LRRC4C: variants seen among roughly 807,000 people sequenced by gnomAD.
LRRC4C encodes the protein leucine-rich repeat-containing protein 4C.
Under a neutral mutation model 33.6 loss-of-function variants are expected in LRRC4C, and 5 were observed. That is an observed-to-expected ratio of 0.15 (90% confidence interval 0.08 to 0.31). The LOEUF (loss-of-function observed/expected upper bound fraction) is 0.31. Among genes scored for constraint, LRRC4C ranks in the 10% least tolerant of loss-of-function variants. The pLI, the probability that LRRC4C is intolerant of heterozygous loss-of-function variation, is 1.00. For synonymous variants in LRRC4C, 329 were observed against 302.0 expected (o/e 1.09, Z -0.93); for missense variants, 560 against 796.7 (o/e 0.70, Z 3.58).
intron 5 of LRRC4C, among the ~76,000 whole-genome samples, chr11:40,189,755 T>A (rs1345944342): frequency 2.0e-5 from 3 of 152,216 alleles, no homozygotes; most frequent in Non-Finnish European, 4.4e-5. Context: ...GGCAGTTATC[T>A]TTGGAGGAGG....
At chr11:40,759,998 T>C (rs938134391) in intron 2 of LRRC4C, among the ~76,000 whole-genome samples, 6 of 151,288 alleles carry the variant, frequency 4.0e-5, no homozygotes, top group Non-Finnish European at 4.4e-5. Flanking sequence ...GTAATTCGGT[T>C]TTGACCAATC....
At chr11:41,410,711 A>T (rs1436080875) in intron 1 of LRRC4C, among the ~76,000 whole-genome samples, 3 of 152,146 alleles carry the variant, frequency 2.0e-5, no homozygotes, top group African/African-American at 7.2e-5. Flanking sequence ...AAATGATGGG[A>T]TTATAGGCAT....
chr11:41,376,158 A>G (rs77266652), intron 1 of LRRC4C, among the ~76,000 whole-genome samples: 2,879 of 152,236 alleles, frequency 0.019, 86 homozygotes, highest in African/African-American at 0.067. Flanking sequence ...ATAAACTCTA[A>G]AAATGAACTG....
intron 1 of LRRC4C, among the ~76,000 whole-genome samples, chr11:41,075,014 C>CTTTTTTTTTTTTTATTTTTT (rs1939007022): frequency 9.9e-6 from 1 of 101,022 alleles, no homozygotes. Context: ...CTTCAATTTT[C>CTTTTTTTTTTTTTATTTTTT]TTTTTTTTTT....
chr11:41,022,142 T>TTATA (rs142909883), intron 1 of LRRC4C, among the ~76,000 whole-genome samples: 4,638 of 138,902 alleles, frequency 0.033, 109 homozygotes, highest in Admixed American at 0.082. Flanking sequence ...CAATTTTGTT[T>TTATA]TATATATATA....
In LRRC4C at chr11:41,152,889, C is replaced by T. The variant is rs555727658; in HGVS notation, c.-495-219166G>A. ...ATTCCTGATCTCAACAAGCTCATAC[C>T]ACTAGCCAACTAATAAAAATAGGTA... On this transcript the variant is annotated intron_variant, in intron 1 of 6. Transcript: ENST00000528697. 2.6e-5 allele frequency among the ~76,000 whole-genome samples: 4 copies of T among 152,192 alleles called. No individual in the cohort carries two copies. In the East Asian group the frequency reaches 5.8e-4, roughly 22 times the overall value.
At chr11:40,287,608 C>T (rs181870912) in intron 4 of LRRC4C, among the ~76,000 whole-genome samples, 4 of 152,302 alleles carry the variant, frequency 2.6e-5, no homozygotes, top group Admixed American at 1.3e-4. Flanking sequence ...ATTAATATTT[C>T]TCCACAAAAA....
rs1943611069 is a variant in LRRC4C, at chr11:40,283,373, T to A, written c.-176+36255A>T. On this transcript the variant is annotated intron_variant, in intron 4 of 6. Transcript: ENST00000528697. ...TCATTTGATTTAAATGTTCATCTAG[T>A]GCACTTCAAAAAATGATAACTGCCA... Among the ~76,000 whole-genome samples the A allele has an allele frequency of 4.6e-5, 7 of 152,266 alleles. No individual in the cohort carries two copies. The South Asian group carries it at 1.4e-3, about 32-fold the overall frequency.
intron 3 of LRRC4C, among the ~76,000 whole-genome samples, chr11:40,642,244 C>T (rs570812730): frequency 6.6e-6 from 1 of 152,242 alleles, no homozygotes; most frequent in Middle Eastern, 3.4e-3. Context: ...TCTTCTGCTG[C>T]TACAGTAATC....
intron 4 of LRRC4C, among the ~76,000 whole-genome samples, chr11:40,275,904 G>T (rs1404472818): frequency 1.3e-5 from 2 of 152,164 alleles, no homozygotes; most frequent in African/African-American, 4.8e-5. Context: ...TCAAGGGGCT[G>T]ACCTCAGAGA....
At chr11:40,214,341 T>G (rs1347160774) in intron 5 of LRRC4C, among the ~76,000 whole-genome samples, 2 of 152,160 alleles carry the variant, frequency 1.3e-5, no homozygotes, top group African/African-American at 4.8e-5. Flanking sequence ...GACTGTCTTG[T>G]CTTGTCCCTA....
chr11:40,898,366 A>AAAAAAAAAG (rs1554991246), intron 2 of LRRC4C, among the ~76,000 whole-genome samples: 24 of 117,460 alleles, frequency 2.0e-4, no homozygotes, highest in Non-Finnish European at 3.7e-4. Context: ...AAAAAAAAAA[A>AAAAAAAAAG]AAAAAAGAAA....
At chr11:40,845,271 C>T (rs1438307467) in intron 2 of LRRC4C, among the ~76,000 whole-genome samples, 1 of 152,048 alleles carries the variant, frequency 6.6e-6, no homozygotes, top group Admixed American at 6.6e-5. Context: ...CTGTCATCTA[C>T]ATTAGGTATT....
intron 5 of LRRC4C, among the ~76,000 whole-genome samples, chr11:40,225,891 T>C (rs1216201575): frequency 1.3e-5 from 2 of 152,188 alleles, no homozygotes; most frequent in Non-Finnish European, 2.9e-5. Context: ...AGGGCTGGGA[T>C]TACAGGCGTG....
chr11:40,728,625 C>CAAAAAAAAAAAAAAAA (rs60355454), intron 2 of LRRC4C, among the ~76,000 whole-genome samples: 1 of 51,246 alleles, frequency 2.0e-5, no homozygotes, highest in African/African-American at 7.9e-5. Context: ...GACTCCGTCT[C>CAAAAAAAAAAAAAAAA]AAAAAAAAAA....
At chr11:40,768,984 T>A (rs1949617072) in intron 2 of LRRC4C, among the ~76,000 whole-genome samples, 1 of 151,984 alleles carries the variant, frequency 6.6e-6, no homozygotes, top group East Asian at 1.9e-4. Context: ...TCCCAGCTAG[T>A]GTTATCAGAA....
intron 3 of LRRC4C, among the ~76,000 whole-genome samples, chr11:40,498,861 A>G (rs989736267): frequency 4.6e-5 from 7 of 152,168 alleles, no homozygotes; most frequent in African/African-American, 7.2e-5. Flanking sequence ...AATTTACTGG[A>G]AAAATAGGCT....
intron 1 of LRRC4C, among the ~76,000 whole-genome samples, chr11:40,991,924 G>A (rs1325023860): frequency 2.0e-5 from 3 of 152,098 alleles, no homozygotes; most frequent in Admixed American, 1.3e-4. Flanking sequence ...ACCAACTGGT[G>A]CTGTGCAACC....
chr11:40,645,410 G>T (rs1212938085), intron 3 of LRRC4C, among the ~76,000 whole-genome samples: 1 of 152,070 alleles, frequency 6.6e-6, no homozygotes, highest in Non-Finnish European at 1.5e-5. Flanking sequence ...CTGGGTCTCG[G>T]TCAGTGCAAA....
Sources: allele counts gnomAD v4.1 joint callset (sites outside exome capture counted in the v4.1 genomes callset), GRCh38; gene constraint gnomAD v4.1.1; transcripts MANE v1.5; gene names NCBI Gene and HGNC (gene_info 2026-07-23, HGNC 2026-07-21).